The following HIVEP2 variants were observed in gnomAD, a reference collection of about 807,000 sequenced individuals.
HIVEP2 encodes the protein transcription factor HIVEP2.
Under a neutral mutation model 180.7 loss-of-function variants are expected in HIVEP2, and 14 were observed. The ratio of observed to expected loss-of-function variants is 0.08; its 90% CI spans 0.05 to 0.12. The LOEUF is 0.12. Ranked by LOEUF, HIVEP2 falls within the 10% of genes least tolerant of loss-of-function variation. The pLI, the probability that HIVEP2 is intolerant of heterozygous loss-of-function variation, is 1.00. For synonymous variants in HIVEP2, 1,184 were observed against 1,136.4 expected, an observed-to-expected ratio of 1.04 and a Z score of -0.84; for missense variants, 2,579 against 3,008.5, an observed-to-expected ratio of 0.86 and a Z score of 3.34.
At chr6:142,927,220 C>G (rs1777841120) in intron 1 of HIVEP2, among the ~76,000 whole-genome samples, 1 of 152,168 alleles carries the variant, frequency 6.6e-6, no homozygotes, top group South Asian at 2.1e-4. Flanking sequence ...CTGGATTTCC[C>G]ACGGGGAGGA....
At chr6:142,936,140 G>A (rs1222084526) in intron 1 of HIVEP2, among the ~76,000 whole-genome samples, 3 of 151,526 alleles carry the variant, frequency 2.0e-5, no homozygotes, top group African/African-American at 4.8e-5. Context: ...TGTGTCATTT[G>A]TAAACCATTT....
intron 2 of HIVEP2, among the ~76,000 whole-genome samples, chr6:142,803,566 T>TACACACACACAC (rs10688831): frequency 0.021 from 3,030 of 141,584 alleles, 57 homozygotes; most frequent in South Asian, 0.044. Flanking sequence ...ATATATAGCA[T>TACACACACACAC]ACACACACAC....
intron 1 of HIVEP2, among the ~76,000 whole-genome samples, chr6:142,938,661 TA>T (rs1165347271): frequency 6.6e-6 from 1 of 152,236 alleles, no homozygotes; most frequent in African/African-American, 2.4e-5. Flanking sequence ...GTCAGATCCC[TA>T]ATCAAATACA....
chr6:142,911,139 T>TAAAAAAAAAAAAAAAAAAAACAA (rs1777391924), intron 1 of HIVEP2, among the ~76,000 whole-genome samples: 1 of 106,230 alleles, frequency 9.4e-6, no homozygotes, highest in Admixed American at 9.4e-5. Flanking sequence ...ACAAACACAT[T>TAAAAAAAAAAAAAAAAAAAACAA]AAAAAAAAAA....
chr6:142,913,475 C>T (rs1199956426), intron 1 of HIVEP2, among the ~76,000 whole-genome samples: 1 of 152,230 alleles, frequency 6.6e-6, no homozygotes, highest in Non-Finnish European at 1.5e-5. Flanking sequence ...TCACTGCTCA[C>T]TGCTTTCTTT....
intron 1 of HIVEP2, among the ~76,000 whole-genome samples, chr6:142,872,309 C>T (rs755061588): frequency 1.3e-5 from 2 of 152,118 alleles, no homozygotes; most frequent in Admixed American, 6.6e-5. Flanking sequence ...TAAGGATGTC[C>T]GATGTCTGGA....
chr6:142,809,765 T>C (rs192211751), intron 2 of HIVEP2, among the ~76,000 whole-genome samples: 2 of 152,116 alleles, frequency 1.3e-5, no homozygotes, highest in Non-Finnish European at 2.9e-5. Flanking sequence ...TGCTAATTTT[T>C]TGTATTTTTA....
intron 7 of HIVEP2, among the ~76,000 whole-genome samples, chr6:142,763,707 T>C (rs914603403): frequency 3.9e-5 from 6 of 152,234 alleles, no homozygotes; most frequent in Admixed American, 3.9e-4. Context: ...AATCTCTTAG[T>C]AAAGTTCTGT....
chr6:142,779,829 T>C (rs1775801503), intron 3 of HIVEP2, among the ~76,000 whole-genome samples: 1 of 152,158 alleles, frequency 6.6e-6, no homozygotes, highest in Non-Finnish European at 1.5e-5. Context: ...ACTAAGGGCA[T>C]ATCATATAGT....
rs541049654 is a variant in HIVEP2 at position 142,811,951 on chromosome 6, G to A, written c.-528+24984C>T. Among the ~76,000 whole-genome samples, 6 of 152,336 alleles carry A rather than the reference G, an allele frequency of 3.9e-5. No homozygotes were observed. The South Asian group carries it at 1.2e-3, about 32-fold the overall frequency. On this transcript the variant is annotated intron_variant, in intron 2 of 9. Transcript: ENST00000367603. Reference sequence around the variant, plus strand: ...AACAATAGCTCTCAAGATGCTGGGAGCCACCTGGCAGGAAGGGACAGTGGT... The same window carrying A: ...AACAATAGCTCTCAAGATGCTGGGAACCACCTGGCAGGAAGGGACAGTGGT...
At chr6:142,810,605 T>C (rs578067149) in intron 2 of HIVEP2, among the ~76,000 whole-genome samples, 1 of 151,828 alleles carries the variant, frequency 6.6e-6, no homozygotes, top group Admixed American at 6.6e-5. Flanking sequence ...CTATTAAAAA[T>C]ACAAAAATTA....
At chr6:142,865,142 C>T (rs1776105300) in intron 1 of HIVEP2, among the ~76,000 whole-genome samples, 1 of 152,094 alleles carries the variant, frequency 6.6e-6, no homozygotes, top group South Asian at 2.1e-4. Context: ...GCTACTATTG[C>T]TCCAGGAAAA....
intron 1 of HIVEP2, among the ~76,000 whole-genome samples, chr6:142,936,198 T>C (rs1443639980): frequency 2.6e-5 from 4 of 151,754 alleles, no homozygotes; most frequent in Non-Finnish European, 5.9e-5. Context: ...TCTCTCTCTC[T>C]CTCTTTTTTT....
chr6:142,759,580 A>G (rs1775168388), intron 9 of HIVEP2, among the ~76,000 whole-genome samples, 192 bp downstream of exon 9: 3 of 152,154 alleles, frequency 2.0e-5, no homozygotes, highest in South Asian at 4.1e-4. Context: ...GCAATACTAC[A>G]CTTTAGGTAA....
At chr6:142,800,588 T>G (rs1776379457) in intron 2 of HIVEP2, among the ~76,000 whole-genome samples, 1 of 152,186 alleles carries the variant, frequency 6.6e-6, no homozygotes, top group South Asian at 2.1e-4. Flanking sequence ...TGATTTAGTT[T>G]TATTGAGAGA....
chr6:142,840,222 A>G (rs961440828), intron 1 of HIVEP2, among the ~76,000 whole-genome samples: 1 of 152,144 alleles, frequency 6.6e-6, no homozygotes, highest in Non-Finnish European at 1.5e-5. Context: ...CATCTTAACT[A>G]TTTTGTAGGG....
At chr6:142,765,495 G>A (rs768261792) in intron 6 of HIVEP2, among the ~76,000 whole-genome samples, 9 of 152,110 alleles carry the variant, frequency 5.9e-5, no homozygotes, top group Admixed American at 6.6e-5. Flanking sequence ...ATCCTGGCAC[G>A]AGAGTGCCTC....
At chr6:142,867,788 G>A (rs1045723490) in intron 1 of HIVEP2, among the ~76,000 whole-genome samples, 5 of 152,166 alleles carry the variant, frequency 3.3e-5, no homozygotes, top group Non-Finnish European at 4.4e-5. Context: ...TAATAAAGGT[G>A]GATTCGCATG....
chr6:142,883,733 A>C (rs1158951979), intron 1 of HIVEP2, among the ~76,000 whole-genome samples: 1 of 152,226 alleles, frequency 6.6e-6, no homozygotes, highest in Non-Finnish European at 1.5e-5. Flanking sequence ...TGAAATCGAC[A>C]TAAACAATGG....
Sources: gnomAD v4.1 joint callset for allele counts (sites outside exome capture counted in the v4.1 genomes callset) on GRCh38, gnomAD v4.1.1 for gene constraint, MANE v1.5 for transcripts, NCBI Gene and HGNC (gene_info 2026-07-23, HGNC 2026-07-21) for gene names.